Variants in PBRM1 observed in about 807,000 individuals in gnomAD.
The protein encoded by PBRM1 is polybromo 1.
PBRM1 carries 27 observed loss-of-function variants against 194.5 expected under a neutral mutation model. The ratio of observed to expected loss-of-function variants is 0.14; its 90% CI spans 0.10 to 0.19. The LOEUF (loss-of-function observed/expected upper bound fraction) is 0.19, where lower values mean the gene tolerates loss of function less well. PBRM1 is among the 10% of genes least tolerant of loss of function. PBRM1 has a pLI of 1.00. For synonymous variants in PBRM1, 655 were observed against 693.2 expected (o/e 0.94, Z 0.87); for missense variants, 1,466 against 2,077.2 (o/e 0.71, Z 5.72).
At chr3:52,595,558 C>T (rs2093465012) in intron 17 of PBRM1, among the ~76,000 whole-genome samples, 1 of 152,216 alleles carries the variant, frequency 6.6e-6, no homozygotes. Context: ...TTGAGTTCCT[C>T]ATACATTCTG....
intron 3 of PBRM1, among the ~76,000 whole-genome samples, chr3:52,662,589 A>G (rs1435767220): frequency 6.6e-6 from 1 of 152,214 alleles, no homozygotes; most frequent in Non-Finnish European, 1.5e-5. Context: ...GCACTTTGGG[A>G]GGCCAAGGCA....
At chr3:52,620,957 C>T (rs961357091) in intron 13 of PBRM1, among the ~76,000 whole-genome samples, 1 of 152,086 alleles carries the variant, frequency 6.6e-6, no homozygotes, top group Admixed American at 6.5e-5. Context: ...AGCCACTGGC[C>T]CATTAGTTTT....
At chr3:52,571,845 C>T (rs1198869943) in intron 22 of PBRM1, among the ~76,000 whole-genome samples, 9 of 100,058 alleles carry the variant, frequency 9.0e-5, no homozygotes, top group Admixed American at 2.7e-4. Flanking sequence ...AAGAGGGATA[C>T]CTCATCTCCC....
chr3:52,683,215 A>T (rs1487190430), upstream of PBRM1, among the ~76,000 whole-genome samples: 1 of 150,392 alleles, frequency 6.6e-6, no homozygotes, highest in Non-Finnish European at 1.5e-5. Flanking sequence ...AAAAATAATA[A>T]AAAAAAAAAT....
chr3:52,682,972 G>A (rs1160065362), upstream of PBRM1, among the ~76,000 whole-genome samples: 4 of 152,104 alleles, frequency 2.6e-5, no homozygotes, highest in African/African-American at 9.7e-5. Flanking sequence ...GGCTAAGGCG[G>A]ATGGATCACC....
chr3:52,658,263 A>G, exon 5 of PBRM1: 2 of 1,613,388 alleles, frequency 1.2e-6, no homozygotes, highest in Non-Finnish European at 1.7e-6. Flanking sequence ...TGTAGCTACA[A>G]CTATGGCTTC....
At chr3:52,556,373 A>G (rs2082228820) in intron 26 of PBRM1, among the ~76,000 whole-genome samples, 1 of 152,224 alleles carries the variant, frequency 6.6e-6, no homozygotes, top group African/African-American at 2.4e-5. Flanking sequence ...ACTTTTGAAC[A>G]GACACCATCA....
At chr3:52,596,623 T>A (rs79888178) in intron 17 of PBRM1, among the ~76,000 whole-genome samples, 16,303 of 151,996 alleles carry the variant, frequency 0.11, 1,183 homozygotes, top group Middle Eastern at 0.18. Context: ...CTCAGGGGCA[T>A]GTCTAGAAAT....
intron 2 of PBRM1, among the ~76,000 whole-genome samples, chr3:52,677,526 C>G (rs574116883): frequency 3.3e-5 from 5 of 151,556 alleles, no homozygotes; most frequent in Non-Finnish European, 5.9e-5. Flanking sequence ...GATTCTCCTG[C>G]CTCAGTCTCC....
intron 10 of PBRM1, among the ~76,000 whole-genome samples, chr3:52,641,588 G>C (rs993845387): frequency 6.6e-6 from 1 of 151,248 alleles, no homozygotes; most frequent in African/African-American, 2.4e-5. Context: ...AGAAAGACAA[G>C]CCAAGAAGAA....
At chr3:52,575,809 T>A (rs2153651141) in intron 22 of PBRM1, among the ~76,000 whole-genome samples, 3 of 151,946 alleles carry the variant, frequency 2.0e-5, no homozygotes, top group East Asian at 3.9e-4. Flanking sequence ...CCACCATGCC[T>A]GGCCTTAAAT....
chr3:52,603,907 C>T (rs1488923972), intron 16 of PBRM1, among the ~76,000 whole-genome samples, 175 bp from the exon 19 acceptor site: 4 of 152,166 alleles, frequency 2.6e-5, no homozygotes, highest in African/African-American at 7.2e-5. Flanking sequence ...GTCATTTTAC[C>T]ATGGTAAGCC....
rs1382630199 is a variant in PBRM1 at position 52,589,269 on chromosome 3, AT to A, written c.2780-15del. 1.3e-6 allele frequency: 2 copies of A among 1,497,504 alleles called. No individual in the cohort carries two copies. Among genetic ancestry groups the A allele is most frequent in the African/African-American group, 1.4e-5 (1 of 69,634 alleles). The allele number at this position is 1,497,504 out of a possible 1,614,324, so 92.8% of individuals were successfully genotyped here. On this transcript the variant is annotated splice_polypyrimidine_tract_variant and intron_variant, in intron 17 of 29. Coordinates refer to ENST00000296302, the Ensembl canonical transcript of PBRM1. The stretch of plus-strand genomic sequence containing the variant: ...TCTTTTCAGCTTCTTAGGTAAAAAA[AT>A]AAATAAATAAAGGAAAAAGGTACTC...
At chr3:52,602,935 C>A (rs1436765659) in intron 17 of PBRM1, among the ~76,000 whole-genome samples, 2 of 152,210 alleles carry the variant, frequency 1.3e-5, no homozygotes, top group Non-Finnish European at 2.9e-5. Flanking sequence ...CTTAGAGTCA[C>A]ACATTCTAGG....
chr3:52,639,717 G>A (rs2095994797), intron 10 of PBRM1, among the ~76,000 whole-genome samples: 1 of 151,990 alleles, frequency 6.6e-6, no homozygotes, highest in Non-Finnish European at 1.5e-5. Context: ...GTGACAGAGG[G>A]AGACCCTGCC....
At chr3:52,560,026 A>G (rs1201442959) in intron 25 of PBRM1, among the ~76,000 whole-genome samples, 1 of 152,062 alleles carries the variant, frequency 6.6e-6, no homozygotes, top group East Asian at 1.9e-4. Flanking sequence ...ATTCAATGAG[A>G]GAAAACATCA....
At chr3:52,664,412 G>GAAA (rs58727570) in intron 3 of PBRM1, among the ~76,000 whole-genome samples, 4,043 of 101,064 alleles carry the variant, frequency 0.04, 251 homozygotes, top group African/African-American at 0.12. Flanking sequence ...TGAAAGAACT[G>GAAA]AAAAAAAAAA....
chr3:52,546,691 C>G (rs569081047), downstream of PBRM1: 1 of 232,540 alleles, frequency 4.3e-6, no homozygotes, highest in East Asian at 6.1e-5. Context: ...AAAAACATGC[C>G]GCCAAGTGAA....
At chr3:52,550,681 G>A (rs548781339) in intron 28 of PBRM1, 44 bp from the exon 31 acceptor site, 4 of 1,579,516 alleles carry the variant, frequency 2.5e-6, no homozygotes, top group Non-Finnish European at 2.6e-6. Flanking sequence ...AAGAGACTCT[G>A]CACATGTTCT....
Sources: gnomAD v4.1 joint callset for allele counts (sites outside exome capture counted in the v4.1 genomes callset) on GRCh38, gnomAD v4.1.1 for gene constraint, MANE v1.5 for transcripts, NCBI Gene and HGNC (gene_info 2026-07-23, HGNC 2026-07-21) for gene names.